ENPP3: variants seen among roughly 807,000 people sequenced by gnomAD.
The protein encoded by ENPP3 is ectonucleotide pyrophosphatase/phosphodiesterase 3.
A neutral mutation model predicts 117.8 loss-of-function variants in ENPP3; 104 were observed. That is an observed-to-expected ratio of 0.88 (90% CI 0.75 to 1.04). The LOEUF is 1.04. ENPP3 is among the 50% of genes least tolerant of loss of function. ENPP3 has a pLI of 0.00. For missense variants in ENPP3, 1,026 were observed against 1,051.9 expected, an observed-to-expected ratio of 0.98 and a Z score of 0.34; for synonymous variants, 380 against 349.9, an observed-to-expected ratio of 1.09 and a Z score of -0.96.
intron 6 of ENPP3, among the ~76,000 whole-genome samples, chr6:131,667,836 C>T (rs1288844608): frequency 6.6e-6 from 1 of 152,124 alleles, no homozygotes; most frequent in Non-Finnish European, 1.5e-5. Context: ...TCCAAGATTT[C>T]CTATTCTGTT....
chr6:131,730,348 A>G (rs1780249849), intron 20 of ENPP3, among the ~76,000 whole-genome samples: 1 of 152,230 alleles, frequency 6.6e-6, no homozygotes, highest in African/African-American at 2.4e-5. Flanking sequence ...TTGAAAGAAT[A>G]TAAACAAATG....
intron 2 of ENPP3, among the ~76,000 whole-genome samples, 181 bp downstream of exon 2, chr6:131,641,711 A>ACTTT (rs1778045066): frequency 6.7e-6 from 1 of 149,050 alleles, no homozygotes; most frequent in Non-Finnish European, 1.5e-5. Flanking sequence ...GGCATTGCTC[A>ACTTT]CTGTACTTTC....
intron 9 of ENPP3, among the ~76,000 whole-genome samples, 153 bp from the exon 10 acceptor site, chr6:131,676,583 C>A (rs1778873179): frequency 6.6e-6 from 1 of 152,086 alleles, no homozygotes; most frequent in Admixed American, 6.5e-5. Context: ...AAACAGAAAT[C>A]CCTTTGAATA....
chr6:131,732,412 G>T (rs906643315), intron 20 of ENPP3, among the ~76,000 whole-genome samples: 1 of 152,028 alleles, frequency 6.6e-6, no homozygotes, highest in Non-Finnish European at 1.5e-5. Context: ...GGGCTACAAA[G>T]AAATTATTAT....
chr6:131,681,025 G>A (rs1209171453), intron 11 of ENPP3, among the ~76,000 whole-genome samples: 1 of 152,116 alleles, frequency 6.6e-6, no homozygotes, highest in East Asian at 1.9e-4. Flanking sequence ...GCAGAGGACA[G>A]AAGAGGAGGG....
At chr6:131,675,660 T>A (rs1407078131) in intron 9 of ENPP3, among the ~76,000 whole-genome samples, 1 of 151,996 alleles carries the variant, frequency 6.6e-6, no homozygotes, top group African/African-American at 2.4e-5. Flanking sequence ...AAACCCTGTC[T>A]CTACCAGAAG....
At chr6:131,711,151 C>CG (rs1271689824) in intron 15 of ENPP3, 14 of 1,351,600 alleles carry the variant, frequency 1.0e-5, no homozygotes, top group East Asian at 2.5e-5. Context: ...GAGCGGGCTG[C>CG]GGGGGGAGCT....
At chr6:131,693,960 G>C (rs977832172) in intron 15 of ENPP3, among the ~76,000 whole-genome samples, 1 of 152,204 alleles carries the variant, frequency 6.6e-6, no homozygotes, top group Non-Finnish European at 1.5e-5. Flanking sequence ...CTGATAATGA[G>C]TGATTGATTA....
chr6:131,715,754 G>A (rs910248056), intron 15 of ENPP3, among the ~76,000 whole-genome samples: 9 of 152,304 alleles, frequency 5.9e-5, no homozygotes, highest in Middle Eastern at 3.4e-3. Context: ...GAGGCACGCC[G>A]CTGGACACTT....
rs554490284 is a variant in ENPP3 at position 131,725,709 on chromosome 6, C to T, written c.1799-337C>T. On this transcript the variant is annotated intron_variant, in intron 19 of 24. Transcript: ENST00000357639. The stretch of plus-strand genomic sequence containing the variant: ...TTTGACTTTGAAGGTTTTACCTCTT[C>T]ATGTATATCCTCTGAGCTGTAAAAT... Among the ~76,000 whole-genome samples the T allele has an allele frequency of 1.6e-4, 24 of 152,256 alleles. No individual in the cohort carries two copies. In the South Asian group the frequency reaches 4.1e-3, roughly 26 times the overall value.
At chr6:131,735,454 TC>T (rs1337996110) in intron 21 of ENPP3, among the ~76,000 whole-genome samples, 1 of 152,108 alleles carries the variant, frequency 6.6e-6, no homozygotes, top group East Asian at 1.9e-4. Flanking sequence ...CTTATTGGCC[TC>T]TCATTGAATA....
intron 8 of ENPP3, 36 bp downstream of exon 8, chr6:131,674,317 C>T (rs1368806482): frequency 1.9e-6 from 3 of 1,604,098 alleles, no homozygotes; most frequent in Admixed American, 3.3e-5. Context: ...CTGAAGTAAC[C>T]TCCATTTCTC....
intron 20 of ENPP3, among the ~76,000 whole-genome samples, chr6:131,733,022 C>T (rs911949328): frequency 2.0e-5 from 3 of 151,436 alleles, no homozygotes; most frequent in South Asian, 2.1e-4. Flanking sequence ...CCACTGAGCC[C>T]GGCCTGGCCT....
At chr6:131,721,692 CTATCTT>C (rs200895486) in intron 17 of ENPP3, among the ~76,000 whole-genome samples, 1,574 of 151,784 alleles carry the variant, frequency 0.01, 22 homozygotes, top group Non-Finnish European at 0.014. Flanking sequence ...TTAAAAGTGT[CTATCTT>C]TAGAGAATAA....
intron 14 of ENPP3, among the ~76,000 whole-genome samples, chr6:131,692,908 G>T (rs1562455857): frequency 1.4e-5 from 2 of 144,016 alleles, no homozygotes; most frequent in African/African-American, 5.1e-5. Context: ...ATGATATATA[G>T]TTATATATTA....
Position 131,650,142 on chromosome 6 carries a change from G to A in ENPP3, c.270G>A (p.Val90=), listed in dbSNP as rs1273371036. ...GCTGGGATTTTGAAGACACCTGTGT[G>A]GAATCAAGTATGAGTTCTGAGAATA... is the stretch of plus-strand genomic sequence containing the variant. The part of the protein sequence containing the change: ...DCCWDFEDTC[V]ESTRIWMCNK... Residue 90 remains valine, a synonymous_variant, in exon 3 of 25, where the codon GTG becomes GTA. Coordinates refer to ENST00000357639, the MANE Select transcript of ENPP3 (RefSeq NM_005021.5). The A allele has an allele frequency of 1.2e-6, 2 of 1,614,034 alleles. No individual in the cohort carries two copies. Among genetic ancestry groups the A allele is most frequent in the Non-Finnish European group, 1.7e-6 (2 of 1,179,936 alleles).
At chr6:131,710,124 G>A in intron 15 of ENPP3, 1 of 1,613,954 alleles carries the variant, frequency 6.2e-7, no homozygotes, top group South Asian at 1.1e-5. Context: ...CCCATTGACT[G>A]TTCACTTTTA....
At chr6:131,742,872 TTGA>T (rs1416033402) in intron 24 of ENPP3, among the ~76,000 whole-genome samples, 1 of 152,206 alleles carries the variant, frequency 6.6e-6, no homozygotes, top group Admixed American at 6.5e-5. Context: ...GAAGCTTTCC[TTGA>T]TTATTCAAAG....
chr6:131,717,669 AAAT>A (rs531625183), intron 15 of ENPP3, among the ~76,000 whole-genome samples: 187 of 152,316 alleles, frequency 1.2e-3, no homozygotes, highest in Non-Finnish European at 2.3e-3. Flanking sequence ...AAATTTATTC[AAAT>A]AATAAAGCTA....
Sources: allele counts gnomAD v4.1 joint callset (sites outside exome capture counted in the v4.1 genomes callset), GRCh38; gene constraint gnomAD v4.1.1; transcripts MANE v1.5; gene names NCBI Gene and HGNC (gene_info 2026-07-23, HGNC 2026-07-21).